Variants in CTNND2 observed in about 807,000 individuals in gnomAD.
CTNND2 encodes catenin delta 2, also known as catenin delta-2.
CTNND2 carries 22 observed loss-of-function variants against 144.4 expected under a neutral mutation model. The observed-to-expected ratio is 0.15, with a 90% CI of 0.11 to 0.22. The LOEUF is 0.22. CTNND2 is among the 10% of genes least tolerant of loss of function. The pLI is 1.00. For synonymous variants in CTNND2, 751 were observed against 695.6 expected (o/e 1.08, Z -1.25); for missense variants, 1,353 against 1,618.8 (o/e 0.84, Z 2.82).
intron 2 of CTNND2, among the ~76,000 whole-genome samples, chr5:11,686,842 T>C (rs964343310): frequency 6.7e-6 from 1 of 148,372 alleles, no homozygotes; most frequent in East Asian, 1.9e-4. Context: ...TAATATACTA[T>C]ATTATACTAT....
intron 13 of CTNND2, among the ~76,000 whole-genome samples, chr5:11,116,605 T>C (rs1337165545): frequency 6.6e-6 from 1 of 152,248 alleles, no homozygotes; most frequent in Non-Finnish European, 1.5e-5. Context: ...TATTCTGGCT[T>C]GTGAACTAAG....
chr5:11,041,763 T>C (rs956246089), intron 16 of CTNND2, among the ~76,000 whole-genome samples: 1 of 152,200 alleles, frequency 6.6e-6, no homozygotes, highest in East Asian at 1.9e-4. Flanking sequence ...GAAAATTGCA[T>C]TCATATTTAT....
chr5:11,012,282 C>T (rs1247668260), intron 18 of CTNND2, among the ~76,000 whole-genome samples: 1 of 152,000 alleles, frequency 6.6e-6, no homozygotes, highest in Non-Finnish European at 1.5e-5. Context: ...TCATGAAAGG[C>T]CATGAAGGTT....
At chr5:11,197,222 A>G (rs923677777) in intron 11 of CTNND2, among the ~76,000 whole-genome samples, 1 of 152,232 alleles carries the variant, frequency 6.6e-6, no homozygotes, top group African/African-American at 2.4e-5. Flanking sequence ...CAGCTTGTCA[A>G]CATGTTCTGA....
chr5:11,106,381 C>T (rs1752430053), intron 14 of CTNND2, among the ~76,000 whole-genome samples: 1 of 152,110 alleles, frequency 6.6e-6, no homozygotes, highest in Non-Finnish European at 1.5e-5. Context: ...CTCCTCATTC[C>T]AGTGTGAAGA....
intron 2 of CTNND2, among the ~76,000 whole-genome samples, chr5:11,649,254 A>C (rs920369773): frequency 2.6e-5 from 4 of 152,222 alleles, no homozygotes; most frequent in African/African-American, 9.6e-5. Context: ...TCTAAGTCCA[A>C]AATTTGTACC....
intron 10 of CTNND2, among the ~76,000 whole-genome samples, chr5:11,229,017 A>C (rs1740679540): frequency 6.6e-6 from 1 of 152,222 alleles, no homozygotes; most frequent in Non-Finnish European, 1.5e-5. Flanking sequence ...GGCCTGTGTA[A>C]GTTTACTATA....
At chr5:11,053,355 C>T (rs1746038701) in intron 16 of CTNND2, among the ~76,000 whole-genome samples, 1 of 152,144 alleles carries the variant, frequency 6.6e-6, no homozygotes, top group Admixed American at 6.6e-5. Flanking sequence ...TGGAATAAAG[C>T]AAAGCATATT....
chr5:11,073,554 T>C (rs1019337875), intron 16 of CTNND2, among the ~76,000 whole-genome samples: 16 of 152,238 alleles, frequency 1.1e-4, no homozygotes, highest in African/African-American at 3.9e-4. Flanking sequence ...TCTTATTTAA[T>C]AGAATAATGA....
chr5:11,849,167 A>G (rs1337031239), intron 1 of CTNND2, among the ~76,000 whole-genome samples: 2 of 152,166 alleles, frequency 1.3e-5, no homozygotes, highest in African/African-American at 4.8e-5. Context: ...CACATCTTAC[A>G]ACGCAGCAGG....
At chr5:11,213,773 G>T (rs1461842399) in intron 10 of CTNND2, among the ~76,000 whole-genome samples, 3 of 151,938 alleles carry the variant, frequency 2.0e-5, no homozygotes, top group Non-Finnish European at 4.4e-5. Context: ...GCAGTTTGGG[G>T]GTTAGTACTG....
At chr5:11,457,853 C>T (rs1047803509) in intron 3 of CTNND2, among the ~76,000 whole-genome samples, 1 of 152,156 alleles carries the variant, frequency 6.6e-6, no homozygotes, top group Non-Finnish European at 1.5e-5. Context: ...CATGGGCTCT[C>T]CTCTGATTGC....
At chr5:11,686,215 A>AG (rs1275199653) in intron 2 of CTNND2, among the ~76,000 whole-genome samples, 1 of 151,862 alleles carries the variant, frequency 6.6e-6, no homozygotes, top group African/African-American at 2.4e-5. Flanking sequence ...CAGAAAAAAA[A>AG]AAAGAAAGAA....
At chr5:11,269,788 C>A (rs775025783) in intron 9 of CTNND2, among the ~76,000 whole-genome samples, 31 of 152,238 alleles carry the variant, frequency 2.0e-4, no homozygotes, top group Admixed American at 5.2e-4. Context: ...ATCCCTCCCC[C>A]CTCAGAATAT....
intron 1 of CTNND2, among the ~76,000 whole-genome samples, chr5:11,819,145 C>G (rs944674340): frequency 5.3e-5 from 8 of 152,026 alleles, no homozygotes; most frequent in Non-Finnish European, 7.4e-5. Flanking sequence ...CAAATGTGAC[C>G]AAAGGAGGTA....
At chr5:11,704,098 C>T (rs553116783) in intron 2 of CTNND2, among the ~76,000 whole-genome samples, 1 of 152,256 alleles carries the variant, frequency 6.6e-6, no homozygotes, top group Admixed American at 6.5e-5. Context: ...TGTGAACATG[C>T]TGTTTTAACA....
chr5:11,458,856 T>C (rs933277917), intron 3 of CTNND2, among the ~76,000 whole-genome samples: 2 of 151,966 alleles, frequency 1.3e-5, no homozygotes, highest in African/African-American at 2.4e-5. Context: ...GTTGAAGCAA[T>C]AGAGCAATAG....
intron 3 of CTNND2, among the ~76,000 whole-genome samples, chr5:11,417,758 C>G (rs1222281999): frequency 6.6e-6 from 1 of 152,104 alleles, no homozygotes; most frequent in Non-Finnish European, 1.5e-5. Flanking sequence ...TAATTTTGTA[C>G]ATGTAATACC....
chr5:11,092,715 T>C (rs1166812434), intron 15 of CTNND2, among the ~76,000 whole-genome samples: 1 of 152,244 alleles, frequency 6.6e-6, no homozygotes, highest in East Asian at 1.9e-4. Flanking sequence ...GGCACGATGC[T>C]TCGCGTTGTA....
Sources: allele counts gnomAD v4.1 joint callset (sites outside exome capture counted in the v4.1 genomes callset), GRCh38; gene constraint gnomAD v4.1.1; transcripts MANE v1.5; gene names NCBI Gene and HGNC (gene_info 2026-07-23, HGNC 2026-07-21).